Variants in PAFAH1B1 observed in about 807,000 individuals in gnomAD.
PAFAH1B1 encodes platelet activating factor acetylhydrolase 1b regulatory subunit 1.
Under a neutral mutation model 57.5 loss-of-function variants are expected in PAFAH1B1, and 2 were observed. That is an observed-to-expected ratio of 0.03 (90% CI 0.01 to 0.11). The LOEUF (loss-of-function observed/expected upper bound fraction) is 0.11. PAFAH1B1 is among the 10% of genes least tolerant of loss of function. PAFAH1B1 has a pLI of 1.00. For missense variants in PAFAH1B1, 257 were observed against 512.0 expected (o/e 0.50, Z 4.81); for synonymous variants, 152 against 169.6 (o/e 0.90, Z 0.81).
At chr17:2,643,358 A>G (rs555945498) in intron 2 of PAFAH1B1, among the ~76,000 whole-genome samples, 53 of 152,212 alleles carry the variant, frequency 3.5e-4, no homozygotes, top group African/African-American at 1.2e-3. Context: ...GGCTCAAGCT[A>G]TTCTCCTGCC....
intron 2 of PAFAH1B1, among the ~76,000 whole-genome samples, chr17:2,649,019 A>C (rs994457452): frequency 2.0e-5 from 3 of 152,012 alleles, no homozygotes; most frequent in Admixed American, 2.0e-4. Context: ...CAGCATCTAC[A>C]GAGCCAACCT....
intron 1 of PAFAH1B1, among the ~76,000 whole-genome samples, chr17:2,629,695 C>T (rs1469592510): frequency 2.0e-5 from 3 of 152,154 alleles, no homozygotes; most frequent in African/African-American, 7.2e-5. Context: ...AAGTCCCCCA[C>T]TATTATTGTG....
At chr17:2,632,134 G>T (rs1263692771) in intron 1 of PAFAH1B1, among the ~76,000 whole-genome samples, 1 of 152,138 alleles carries the variant, frequency 6.6e-6, no homozygotes, top group African/African-American at 2.4e-5. Flanking sequence ...TTGCTGTGTT[G>T]CTCAGGCTGG....
chr17:2,619,382 C>T (rs111688173), intron 1 of PAFAH1B1, among the ~76,000 whole-genome samples: 3,544 of 152,102 alleles, frequency 0.023, 141 homozygotes, highest in African/African-American at 0.081. Context: ...GCATGTGCCA[C>T]CATGCCTGGC....
chr17:2,665,524 A>G, intron 3 of PAFAH1B1, 68 bp downstream of exon 3: 1 of 902,358 alleles, frequency 1.1e-6, no homozygotes, highest in Non-Finnish European at 1.9e-6. Context: ...ATCTGTAGTT[A>G]ACAGTTACGC....
upstream of PAFAH1B1, chr17:2,593,184 AAC>A (rs1256897354): frequency 4.6e-5 from 7 of 151,464 alleles, no homozygotes; most frequent in Admixed American, 3.9e-4. Context: ...TTCCCCCCCA[AAC>A]TGGGAAATCA....
intron 5 of PAFAH1B1, among the ~76,000 whole-genome samples, chr17:2,669,083 C>T (rs2069145900): frequency 6.6e-6 from 1 of 152,068 alleles, no homozygotes; most frequent in African/African-American, 2.4e-5. Context: ...ATGATACAGT[C>T]TTACGGGATA....
intron 1 of PAFAH1B1, among the ~76,000 whole-genome samples, chr17:2,633,812 C>T (rs1329030422): frequency 5.9e-5 from 9 of 152,094 alleles, no homozygotes; most frequent in Non-Finnish European, 2.9e-5. Flanking sequence ...GACATACTCT[C>T]TCCTCTTTTT....
At chr17:2,642,673 A>T (rs890268578) in intron 2 of PAFAH1B1, among the ~76,000 whole-genome samples, 4 of 152,222 alleles carry the variant, frequency 2.6e-5, no homozygotes, top group African/African-American at 9.6e-5. Flanking sequence ...AAGACCAGAC[A>T]TCCGGGAAAG....
At chr17:2,602,277 C>T (rs2068153178) in intron 1 of PAFAH1B1, among the ~76,000 whole-genome samples, 2 of 151,838 alleles carry the variant, frequency 1.3e-5, no homozygotes, top group Non-Finnish European at 2.9e-5. Context: ...CAGCGAGGGC[C>T]TATCAATTTG....
chr17:2,663,410 G>C (rs1337874266), intron 2 of PAFAH1B1, among the ~76,000 whole-genome samples: 1 of 152,036 alleles, frequency 6.6e-6, no homozygotes, highest in African/African-American at 2.4e-5. Context: ...TTTTTTGAGA[G>C]AGGGTCTTGC....
chr17:2,625,313 G>T (rs1311471592), intron 1 of PAFAH1B1, among the ~76,000 whole-genome samples: 1 of 152,162 alleles, frequency 6.6e-6, no homozygotes, highest in Non-Finnish European at 1.5e-5. Context: ...TAGCTTAAAA[G>T]AATATTGGAA....
intron 2 of PAFAH1B1, among the ~76,000 whole-genome samples, chr17:2,653,273 G>A (rs1167541388): frequency 6.6e-6 from 1 of 152,132 alleles, no homozygotes; most frequent in East Asian, 1.9e-4. Context: ...CCTGTCGTGA[G>A]GTGAGGGGAG....
In PAFAH1B1 at chr17:2,599,225, G is replaced by C. The variant is rs571903211; in HGVS notation, c.-191+5219G>C. Among the ~76,000 whole-genome samples the C allele has an allele frequency of 9.7e-4, 147 of 152,278 alleles. 1 individual carries two copies. The highest frequency in any genetic ancestry group is 3.4e-3 in the African/African-American group (141 of 41,552). On this transcript the variant is annotated intron_variant, in intron 1 of 10. Coordinates refer to ENST00000397195, the MANE Select transcript of PAFAH1B1 (RefSeq NM_000430.4). ...GGTAGATTGGTATTTTTATGGATGA[G>C]AGAACTGAAATCCAGAGAATTTCTT...
chr17:2,638,205 A>G lies in PAFAH1B1; in HGVS notation c.-84A>G. Reference sequence around the variant, plus strand: ...AGACACTTAGTGGCATATTTAAATTATAAGTCCACGGATCAAAAAGCTTTT... The same window carrying G: ...AGACACTTAGTGGCATATTTAAATTGTAAGTCCACGGATCAAAAAGCTTTT... On this transcript the variant is annotated 5_prime_UTR_variant, in exon 2 of 11. Transcript: ENST00000397195. 1 of 1,085,712 alleles carries G rather than the reference A, an allele frequency of 9.2e-7. No individual in the cohort carries two copies. Among genetic ancestry groups the G allele is most frequent in the Non-Finnish European group, 1.4e-6 (1 of 715,564 alleles). The allele number at this position is 1,085,712 out of a possible 1,614,324, so 67.3% of individuals were successfully genotyped here.
intron 6 of PAFAH1B1, among the ~76,000 whole-genome samples, chr17:2,671,783 A>G (rs1162421451): frequency 6.6e-5 from 10 of 151,622 alleles, no homozygotes; most frequent in South Asian, 4.2e-4. Flanking sequence ...TTTTATTTTT[A>G]GTAGAAACAG....
chr17:2,660,536 G>T (rs978809883), intron 2 of PAFAH1B1, among the ~76,000 whole-genome samples: 1 of 152,138 alleles, frequency 6.6e-6, no homozygotes, highest in African/African-American at 2.4e-5. Context: ...AGTCTGCTGA[G>T]GATGGTGGCT....
At chr17:2,601,300 A>C (rs1448720270) in intron 1 of PAFAH1B1, among the ~76,000 whole-genome samples, 1 of 149,630 alleles carries the variant, frequency 6.7e-6, no homozygotes, top group Non-Finnish European at 1.5e-5. Flanking sequence ...CTGCCCAGTG[A>C]AGTTTTTTGT....
intron 1 of PAFAH1B1, among the ~76,000 whole-genome samples, chr17:2,617,120 T>C (rs145501011): frequency 1.4e-4 from 22 of 152,266 alleles, no homozygotes; most frequent in African/African-American, 5.1e-4. Context: ...CATCCAGATA[T>C]GACTTATATT....
Sources: gnomAD v4.1 joint callset for allele counts (sites outside exome capture counted in the v4.1 genomes callset) on GRCh38, gnomAD v4.1.1 for gene constraint, MANE v1.5 for transcripts, NCBI Gene and HGNC (gene_info 2026-07-23, HGNC 2026-07-21) for gene names.